Variants in PHF21B observed in about 807,000 individuals in gnomAD.
The protein encoded by PHF21B is PHD finger protein 21B.
In PHF21B, 22 loss-of-function variants were observed where a neutral mutation model predicts 62.2. The ratio of observed to expected loss-of-function variants is 0.35; its 90% CI spans 0.25 to 0.51. The LOEUF is 0.51. PHF21B is among the 20% of genes least tolerant of loss of function. The pLI, the probability that PHF21B is intolerant of heterozygous loss-of-function variation, is 0.97. For missense variants in PHF21B, 701 were observed against 707.9 expected, an observed-to-expected ratio of 0.99 and a Z score of 0.11; for synonymous variants, 341 against 314.7, an observed-to-expected ratio of 1.08 and a Z score of -0.88.
intron 5 of PHF21B, among the ~76,000 whole-genome samples, chr22:44,909,651 G>A (rs543608463): frequency 4.5e-4 from 68 of 152,338 alleles, no homozygotes; most frequent in Admixed American, 2.1e-3. Context: ...AGGTTCCCAC[G>A]TCTGTCTTCA....
rs1288471316 is a variant in PHF21B, at chr22:44,891,332, T to C, written c.989A>G (p.Asn330Ser). Residue 330 changes from asparagine (N) to serine (S), a missense_variant, in exon 8 of 13, where the codon AAC becomes AGC. Asn to Ser is a conservative substitution (Grantham distance 46). Coordinates refer to ENST00000313237, the MANE Select transcript of PHF21B (RefSeq NM_138415.5). The stretch of plus-strand genomic sequence containing the variant: ...TCTCGCTGTGAGGAACAGGGGGTTG[T>C]TGAGATAGTTGGAGGCCAGCCGTTT... ...ERKRLASNYL[N>S]NPLFLTARAN... is the part of the protein sequence containing the mutation. 1 of 1,613,992 alleles carries C rather than the reference T, an allele frequency of 6.2e-7. No homozygotes were observed. Among genetic ancestry groups the C allele is most frequent in the Admixed American group, 1.7e-5 (1 of 60,000 alleles).
Position 45,008,358 on chromosome 22 carries a change from G to A in PHF21B, c.120+187C>T, listed in dbSNP as rs529691213. 190 of 501,066 alleles carry A rather than the reference G, an allele frequency of 3.8e-4. 1 individual carries two copies. The Admixed American group carries it at 6.7e-3, about 18-fold the overall frequency. 31.0% of individuals were successfully genotyped at this position (501,066 alleles called of 1,614,324 possible). A position where few individuals can be genotyped will look rare whatever the true frequency, so the allele number is the denominator to read the frequency against. The stretch of plus-strand genomic sequence containing the variant: ...GCCCCCGCAGGGCCCGGCTCTCCCT[G>A]CCGCCTCCGAGAACCCGGCTCTTTC... On this transcript the variant is annotated intron_variant, in intron 2 of 12. Transcript: ENST00000313237.
At chr22:44,896,786 C>A (rs945284075) in intron 5 of PHF21B, among the ~76,000 whole-genome samples, 21 of 151,662 alleles carry the variant, frequency 1.4e-4, no homozygotes, top group African/African-American at 4.4e-4. Context: ...TTGTAATGAC[C>A]TTCTCCAGTT....
rs1403956267 is a variant in PHF21B, at chr22:45,008,596, C to T, written c.69G>A (p.Lys23=). Residue 23 remains lysine, a synonymous_variant, in exon 2 of 13, where the codon AAG becomes AAA. Coordinates refer to ENST00000313237, the MANE Select transcript of PHF21B (RefSeq NM_138415.5). ...ELARHQNGDL[K]KQLHERQPRI... ...GCGGCTGCCTTTCGTGGAGCTGCTT[C>T]TTGAGGTCGCCGTTCTGCGGAAACA... The T allele has an allele frequency of 1.3e-6, 2 of 1,589,188 alleles. No individual in the cohort carries two copies. Among genetic ancestry groups the T allele is most frequent in the Middle Eastern group, 1.7e-4 (1 of 5,830 alleles).
At chr22:44,890,422 G>C (rs901959643) in intron 8 of PHF21B, among the ~76,000 whole-genome samples, 1 of 152,118 alleles carries the variant, frequency 6.6e-6, no homozygotes, top group African/African-American at 2.4e-5. Context: ...GCCACCCAGC[G>C]GGAGAACAGT....
At chr22:44,977,395 T>C (rs1173445028) in intron 2 of PHF21B, among the ~76,000 whole-genome samples, 1 of 152,004 alleles carries the variant, frequency 6.6e-6, no homozygotes, top group African/African-American at 2.4e-5. Flanking sequence ...TGAAACCCCA[T>C]CTTTACTAAA....
At chr22:44,973,781 G>T (rs1016060382) in intron 2 of PHF21B, among the ~76,000 whole-genome samples, 1 of 152,028 alleles carries the variant, frequency 6.6e-6, no homozygotes, top group Non-Finnish European at 1.5e-5. Flanking sequence ...CATGGGAGAG[G>T]AAAGTGTGGC....
intron 11 of PHF21B, 60 bp downstream of exon 11, chr22:44,885,803 G>T: frequency 6.5e-7 from 1 of 1,540,620 alleles, no homozygotes; most frequent in Non-Finnish European, 8.9e-7. Flanking sequence ...TGAGCCCAGA[G>T]GCCTGGGTGG....
At position 44,996,897 on chromosome 22, in the gene PHF21B, CGT is replaced by C. The variant is rs1859269252; in HGVS notation, c.120+11646_120+11647del. Among the ~76,000 whole-genome samples, 4 of 152,082 alleles carry C rather than the reference CGT, an allele frequency of 2.6e-5. No individual in the cohort carries two copies. The South Asian group carries it at 6.2e-4, about 24-fold the overall frequency. On this transcript the variant is annotated intron_variant, in intron 2 of 12. Transcript: ENST00000313237. The stretch of plus-strand genomic sequence containing the variant: ...GCAGACGCACACAAGCATACACAAA[CGT>C]GTGCACACATGCATACACACATGCA...
intron 2 of PHF21B, among the ~76,000 whole-genome samples, chr22:44,983,086 T>C (rs1268737641): frequency 6.6e-6 from 1 of 151,896 alleles, no homozygotes; most frequent in African/African-American, 2.4e-5. Flanking sequence ...ATTCAAAAAT[T>C]AGCCGGGCAT....
At chr22:44,972,630 T>C (rs1038738808) in intron 2 of PHF21B, among the ~76,000 whole-genome samples, 1 of 152,312 alleles carries the variant, frequency 6.6e-6, no homozygotes, top group Admixed American at 6.5e-5. Flanking sequence ...GTACGTCGGC[T>C]CAGGGTGCTC....
intron 2 of PHF21B, among the ~76,000 whole-genome samples, chr22:44,993,394 A>G (rs1220562379): frequency 6.6e-6 from 1 of 152,190 alleles, no homozygotes; most frequent in Non-Finnish European, 1.5e-5. Flanking sequence ...GCAGAGGCCT[A>G]TCCACGCTCA....
chr22:44,974,549 T>C (rs898432833), intron 2 of PHF21B, among the ~76,000 whole-genome samples: 5 of 152,056 alleles, frequency 3.3e-5, no homozygotes, highest in Admixed American at 2.6e-4. Flanking sequence ...AAGTCCTACA[T>C]CCGTGCAGCT....
At chr22:44,922,138 C>T (rs1330591614) in intron 2 of PHF21B, among the ~76,000 whole-genome samples, 1 of 152,128 alleles carries the variant, frequency 6.6e-6, no homozygotes, top group Non-Finnish European at 1.5e-5. Flanking sequence ...CTAACAATAA[C>T]AAAAAGGATA....
intron 7 of PHF21B, 116 bp downstream of exon 7, chr22:44,893,341 G>T: frequency 1.1e-6 from 1 of 943,358 alleles, no homozygotes; most frequent in Non-Finnish European, 1.6e-6. Context: ...TCCCAGGAGG[G>T]ACAGACGAGG....
At chr22:44,896,198 C>G (rs2071054886) in intron 5 of PHF21B, 115 bp from the exon 6 acceptor site, 2 of 1,062,194 alleles carry the variant, frequency 1.9e-6, no homozygotes, top group African/African-American at 3.1e-5. Flanking sequence ...GCCCTAACCA[C>G]AGAGGCCTCC....
intron 5 of PHF21B, among the ~76,000 whole-genome samples, chr22:44,899,760 C>T (rs1233382736): frequency 6.6e-6 from 1 of 152,074 alleles, no homozygotes; most frequent in Non-Finnish European, 1.5e-5. Flanking sequence ...TTGCTGCAAT[C>T]ATAAATGGGG....
chr22:45,007,914 G>C (rs1030894622), intron 2 of PHF21B, among the ~76,000 whole-genome samples: 35 of 152,126 alleles, frequency 2.3e-4, no homozygotes, highest in African/African-American at 7.7e-4. Context: ...GCCCGGAGGG[G>C]GGGGAGCGGT....
chr22:44,973,108 C>T (rs974532408), intron 2 of PHF21B, among the ~76,000 whole-genome samples: 13 of 152,234 alleles, frequency 8.5e-5, no homozygotes, highest in African/African-American at 3.1e-4. Context: ...CCAGTCATCA[C>T]AGCCCGGTGG....
Sources: allele counts gnomAD v4.1 joint callset (sites outside exome capture counted in the v4.1 genomes callset), GRCh38; gene constraint gnomAD v4.1.1; transcripts MANE v1.5; gene names NCBI Gene and HGNC (gene_info 2026-07-23, HGNC 2026-07-21).